The following ERGIC1 variants were observed in gnomAD, a reference collection of about 807,000 sequenced individuals.
ERGIC1 encodes the protein endoplasmic reticulum-Golgi intermediate compartment protein 1.
A neutral mutation model predicts 38.3 loss-of-function variants in ERGIC1; 19 were observed. The observed-to-expected ratio is 0.50, with a 90% CI of 0.35 to 0.73. The LOEUF (loss-of-function observed/expected upper bound fraction) is 0.73. Ranked by LOEUF, ERGIC1 falls within the 30% of genes least tolerant of loss-of-function variation. ERGIC1 has a pLI of 0.01. For synonymous variants in ERGIC1, 124 were observed against 157.6 expected (o/e 0.79, Z 1.60); for missense variants, 294 against 389.2 (o/e 0.76, Z 2.06).
At chr5:172,836,792 C>T (rs1034146101) in intron 1 of ERGIC1, among the ~76,000 whole-genome samples, 7 of 152,160 alleles carry the variant, frequency 4.6e-5, no homozygotes, top group South Asian at 4.1e-4. Flanking sequence ...TGAACTGGCA[C>T]GCAAGGAGCA....
At chr5:172,843,505 A>G (rs546664792) in intron 1 of ERGIC1, among the ~76,000 whole-genome samples, 1 of 152,328 alleles carries the variant, frequency 6.6e-6, no homozygotes, top group Admixed American at 6.5e-5. Context: ...AGAATTACCT[A>G]AAGTATCCTT....
At chr5:172,912,727 T>C (rs1273346779) in intron 4 of ERGIC1, among the ~76,000 whole-genome samples, 1 of 151,084 alleles carries the variant, frequency 6.6e-6, no homozygotes, top group Admixed American at 6.6e-5. Context: ...TAGAAGAGAG[T>C]CTAGCACGTA....
intron 1 of ERGIC1, among the ~76,000 whole-genome samples, chr5:172,847,777 T>C (rs1393191706): frequency 6.6e-6 from 1 of 152,236 alleles, no homozygotes; most frequent in Admixed American, 6.5e-5. Context: ...CCTCCCAAAG[T>C]GCTGGGATTA....
intron 1 of ERGIC1, among the ~76,000 whole-genome samples, chr5:172,865,952 C>A (rs568461490): frequency 6.6e-6 from 1 of 152,264 alleles, no homozygotes; most frequent in African/African-American, 2.4e-5. Context: ...TCTGCACTTT[C>A]CATTTTGACC....
Position 172,897,082 on chromosome 5 carries a change from A to G in ERGIC1, c.155+8A>G, listed in dbSNP as rs766953615. On this transcript the variant is annotated splice_region_variant and intron_variant, in intron 3 of 9. Coordinates refer to ENST00000393784, the MANE Select transcript of ERGIC1 (RefSeq NM_001031711.3). ...ATTTATAACGACAGAAGTGTAAGTC[A>G]TACTTTCCCGATGGGGCATTCCAGG... The G allele has an allele frequency of 1.2e-6, 2 of 1,613,474 alleles. No individual in the cohort carries two copies. Among genetic ancestry groups the G allele is most frequent in the Admixed American group, 3.3e-5 (2 of 60,000 alleles).
chr5:172,890,062 T>C (rs1762519009), intron 2 of ERGIC1, among the ~76,000 whole-genome samples: 1 of 152,020 alleles, frequency 6.6e-6, no homozygotes, highest in South Asian at 2.1e-4. Flanking sequence ...ATAAGGCCTT[T>C]ACTGAGGAAA....
chr5:172,926,673 CA>C lies in ERGIC1; in HGVS notation c.541+106del. On this transcript the variant is annotated intron_variant, in intron 7 of 9. Coordinates refer to ENST00000393784, the MANE Select transcript of ERGIC1 (RefSeq NM_001031711.3). The surrounding 1 kb of genome is among the most constrained non-coding windows in gnomAD (Gnocchi z 5.2). ...GGGGGTGCCTGTCCAGCACCCACTC[CA>C]AGGCAGGGAGGCTGCTGCTCACACT... 2 of 1,292,830 alleles carry C rather than the reference CA, an allele frequency of 1.5e-6. No homozygotes were observed. The highest frequency in any genetic ancestry group is 2.4e-5 in the South Asian group (2 of 83,142). 80.1% of individuals were successfully genotyped at this position (1,292,830 alleles called of 1,614,324 possible). A position where few individuals can be genotyped will look rare whatever the true frequency, so the allele number is the denominator to read the frequency against.
rs186728273 is a variant in ERGIC1 at position 172,920,743 on chromosome 5, C to T, written c.376-3262C>T. Among the ~76,000 whole-genome samples, 307 of 152,334 alleles carry T rather than the reference C, an allele frequency of 2.0e-3. 1 individual carries two copies. Among genetic ancestry groups the T allele is most frequent in the African/African-American group, 7.0e-3 (291 of 41,576 alleles). On this transcript the variant is annotated intron_variant, in intron 5 of 9. Transcript: ENST00000393784. The stretch of plus-strand genomic sequence containing the variant: ...TGACTCACTTCACTCCCGGAGCACG[C>T]GGCCCAGGCCCCAATCCCAGTTCTG...
At position 172,850,282 on chromosome 5, in the gene ERGIC1, G is replaced by A. The variant is rs542177423; in HGVS notation, c.20+15849G>A. Among the ~76,000 whole-genome samples, 169 of 152,244 alleles carry A rather than the reference G, an allele frequency of 1.1e-3. 1 individual carries two copies. The highest frequency in any genetic ancestry group is 3.9e-3 in the African/African-American group (163 of 41,538). On this transcript the variant is annotated intron_variant, in intron 1 of 9. Coordinates refer to ENST00000393784, the MANE Select transcript of ERGIC1 (RefSeq NM_001031711.3). Reference sequence around the variant, plus strand: ...GTCAAAGGAGGGCATGAGAAGGTTCGCCTACCCGCCCCCTCCCTGCCCCAC... The same window carrying A: ...GTCAAAGGAGGGCATGAGAAGGTTCACCTACCCGCCCCCTCCCTGCCCCAC...
intron 1 of ERGIC1, chr5:172,867,431 C>T: frequency 2.5e-6 from 1 of 395,214 alleles, no homozygotes; most frequent in Non-Finnish European, 5.2e-6. Flanking sequence ...TTTTCCCTGT[C>T]CCTATTTCCA....
chr5:172,914,943 A>G, intron 5 of ERGIC1, 105 bp downstream of exon 5: 2 of 1,545,926 alleles, frequency 1.3e-6, no homozygotes, highest in Non-Finnish European at 1.8e-6. Context: ...TGACCCTGAC[A>G]CAGCCCCCAG....
Position 172,834,950 on chromosome 5 carries a change from C to T in ERGIC1, c.20+517C>T, listed in dbSNP as rs1255464683. 6.6e-6 allele frequency among the ~76,000 whole-genome samples: 1 copy of T among 152,200 alleles called. No individual in the cohort carries two copies. Among genetic ancestry groups the T allele is most frequent in the Non-Finnish European group, 1.5e-5 (1 of 68,024 alleles). ...AGGCCGGGCAGATCGGGAGGCCTGC[C>T]CCCGCCCCTCCCTCCCTCAGCCCCA... On this transcript the variant is annotated intron_variant, in intron 1 of 9. Coordinates refer to ENST00000393784, the MANE Select transcript of ERGIC1 (RefSeq NM_001031711.3). The surrounding 1 kb of genome is among the most constrained non-coding windows in gnomAD (Gnocchi z 4.1).
intron 1 of ERGIC1, among the ~76,000 whole-genome samples, chr5:172,839,259 A>AT (rs1194092487): frequency 7.3e-6 from 1 of 136,286 alleles, no homozygotes; most frequent in Non-Finnish European, 1.6e-5. Context: ...AAAAAAAAAA[A>AT]AGTATATATA....
intron 1 of ERGIC1, chr5:172,867,362 T>C (rs1312316133): frequency 1.2e-5 from 5 of 419,444 alleles, no homozygotes; most frequent in Admixed American, 1.0e-4. Flanking sequence ...ACAGGAGTCC[T>C]TGCTTAGCCC....
At chr5:172,893,516 G>C (rs1276931606) in intron 2 of ERGIC1, among the ~76,000 whole-genome samples, 1 of 152,074 alleles carries the variant, frequency 6.6e-6, no homozygotes, top group Non-Finnish European at 1.5e-5. Flanking sequence ...GGGGAGGAGG[G>C]TGTAAAAGAT....
At position 172,834,445 on chromosome 5, in the gene ERGIC1, G is replaced by C; in HGVS notation, c.20+12G>C. On this transcript the variant is annotated intron_variant, in intron 1 of 9. Transcript: ENST00000393784. This position sits in a 1 kb window ranked among gnomAD's most constrained non-coding sequence, Gnocchi z 4.1. ...TTTGACTTCAGGAGGTGAGTGTGGC[G>C]ACCCCGGCCAGTCGGGAGTTCCCTC... is the stretch of plus-strand genomic sequence containing the variant. 7.5e-7 allele frequency: 1 copy of C among 1,325,450 alleles called. No individual in the cohort carries two copies. Among genetic ancestry groups the C allele is most frequent in the Non-Finnish European group, 9.7e-7 (1 of 1,032,812 alleles). The allele number at this position is 1,325,450 out of a possible 1,614,324, so 82.1% of individuals were successfully genotyped here.
rs182939911 is a variant in ERGIC1, at chr5:172,853,174, C to T, written c.20+18741C>T. 5.9e-5 allele frequency among the ~76,000 whole-genome samples: 9 copies of T among 152,326 alleles called. No individual in the cohort carries two copies. The East Asian group carries it at 1.7e-3, about 29-fold the overall frequency. ...GCTGTTGTTGCCTGGAAAGGTATTGCGCAGGATGCCATGTGGTATGATGTC... is the reference window on the plus strand; with the variant it reads ...GCTGTTGTTGCCTGGAAAGGTATTGTGCAGGATGCCATGTGGTATGATGTC... On this transcript the variant is annotated intron_variant, in intron 1 of 9. Transcript: ENST00000393784.
intron 1 of ERGIC1, among the ~76,000 whole-genome samples, chr5:172,841,849 A>G (rs1157864903): frequency 1.3e-5 from 2 of 152,072 alleles, no homozygotes; most frequent in Non-Finnish European, 2.9e-5. Context: ...TCTTTGTTTT[A>G]TTTTTAAAGT....
chr5:172,901,211 CAT>C (rs1762867075), intron 3 of ERGIC1, among the ~76,000 whole-genome samples: 1 of 152,196 alleles, frequency 6.6e-6, no homozygotes, highest in Admixed American at 6.5e-5. Flanking sequence ...TTATCAGTGA[CAT>C]AAGACGCTTA....
Sources: gnomAD v4.1 joint callset for allele counts (sites outside exome capture counted in the v4.1 genomes callset) on GRCh38, gnomAD v4.1.1 for gene constraint, Gnocchi (gnomAD v3.1) non-coding constraint, MANE v1.5 for transcripts, NCBI Gene and HGNC (gene_info 2026-07-23, HGNC 2026-07-21) for gene names.